PRDM1: variants seen among roughly 807,000 people sequenced by gnomAD.
The protein encoded by PRDM1 is PR domain zinc finger protein 1.
A neutral mutation model predicts 62.8 loss-of-function variants in PRDM1; 13 were observed. That is an observed-to-expected ratio of 0.21 (90% CI 0.13 to 0.33). The LOEUF (loss-of-function observed/expected upper bound fraction) is 0.33, where lower values mean the gene tolerates loss of function less well. Ranked by LOEUF, PRDM1 falls within the 10% of genes least tolerant of loss-of-function variation. The pLI is 1.00. For synonymous variants in PRDM1, 396 were observed against 417.6 expected (o/e 0.95, Z 0.63); for missense variants, 895 against 1,058.8 (o/e 0.85, Z 2.15).
At chr6:106,018,887 C>T (rs1250592252) in intron 1 of PRDM1, among the ~76,000 whole-genome samples, 1 of 151,148 alleles carries the variant, frequency 6.6e-6, no homozygotes, top group African/African-American at 2.4e-5. Flanking sequence ...TTACTATATC[C>T]ACCTCACACA....
chr6:106,031,677 C>T (rs766924588), intron 1 of PRDM1, among the ~76,000 whole-genome samples: 1 of 152,116 alleles, frequency 6.6e-6, no homozygotes, highest in Non-Finnish European at 1.5e-5. Context: ...GTCCAGTTGA[C>T]GGGGAAACCA....
chr6:106,000,618 TTGTA>T (rs1383121304), intron 1 of PRDM1, among the ~76,000 whole-genome samples: 8 of 152,176 alleles, frequency 5.3e-5, no homozygotes. Context: ...ACTTTTATAT[TTGTA>T]TGTATAGTAA....
At chr6:106,090,179 G>A (rs1773922529) in intron 2 of PRDM1, among the ~76,000 whole-genome samples, 1 of 152,126 alleles carries the variant, frequency 6.6e-6, no homozygotes, top group African/African-American at 2.4e-5. Context: ...TGCTACACTG[G>A]CCCCTCTTGG....
chr6:106,101,085 G>A (rs1380858492), intron 4 of PRDM1, among the ~76,000 whole-genome samples: 2 of 152,088 alleles, frequency 1.3e-5, no homozygotes, highest in Admixed American at 6.5e-5. Context: ...GCATTTTTGT[G>A]GAACTCGTAT....
At chr6:106,070,239 C>G (rs1322834832) in intron 1 of PRDM1, among the ~76,000 whole-genome samples, 2 of 152,126 alleles carry the variant, frequency 1.3e-5, no homozygotes, top group South Asian at 4.1e-4. Flanking sequence ...ATTTCAGATA[C>G]CCCCTTCTAA....
intron 1 of PRDM1, among the ~76,000 whole-genome samples, chr6:106,018,340 T>G (rs181913430): frequency 3.3e-5 from 5 of 152,352 alleles, no homozygotes; most frequent in East Asian, 3.9e-4. Flanking sequence ...GAGAAGCTAG[T>G]ATAGTTTTCA....
intron 1 of PRDM1, among the ~76,000 whole-genome samples, chr6:106,017,689 C>G (rs1480732925): frequency 2.0e-5 from 3 of 152,188 alleles, no homozygotes; most frequent in African/African-American, 7.2e-5. Flanking sequence ...TGAACAATCC[C>G]CATTTCAAGA....
upstream of PRDM1, among the ~76,000 whole-genome samples, chr6:106,044,057 A>T (rs1451325338): frequency 6.6e-6 from 1 of 152,160 alleles, no homozygotes; most frequent in Non-Finnish European, 1.5e-5. Flanking sequence ...TATATGTGTG[A>T]ATATGTACTT....
At chr6:106,006,629 C>T (rs1380767432) in intron 1 of PRDM1, among the ~76,000 whole-genome samples, 1 of 151,936 alleles carries the variant, frequency 6.6e-6, no homozygotes, top group African/African-American at 2.4e-5. Flanking sequence ...AAGACCTTTG[C>T]CAGATACCAT....
chr6:106,106,019 C>A lies in PRDM1; in HGVS notation c.1773+86C>A. The A allele has an allele frequency of 1.3e-6, 2 of 1,514,908 alleles. No individual in the cohort carries two copies. Among genetic ancestry groups the A allele is most frequent in the East Asian group, 2.3e-5 (1 of 43,356 alleles). The allele number at this position is 1,514,908 out of a possible 1,614,324, so 93.8% of individuals were successfully genotyped here. A position where few individuals can be genotyped will look rare whatever the true frequency, so the allele number is the denominator to read the frequency against. On this transcript the variant is annotated intron_variant, in intron 5 of 6. Transcript: ENST00000369096. The surrounding 1 kb of genome is among the most constrained non-coding windows in gnomAD (Gnocchi z 4.4). ...CTTGCTTTCCATGGGGTATCGATTG[C>A]ATTTGCAGTAGTATGAGCCCCCGGT...
chr6:106,011,105 A>T (rs1772540151), intron 1 of PRDM1, among the ~76,000 whole-genome samples: 1 of 152,134 alleles, frequency 6.6e-6, no homozygotes, highest in Non-Finnish European at 1.5e-5. Flanking sequence ...CTCTGATTGT[A>T]TCTTTTTATC....
At chr6:106,087,497 C>T (rs1460297177) in intron 1 of PRDM1, 2 of 232,602 alleles carry the variant, frequency 8.6e-6, no homozygotes, top group African/African-American at 4.4e-5. Flanking sequence ...CTGTTTTCCC[C>T]TTCACCCATT....
At chr6:106,000,509 C>T (rs1177029385) in intron 1 of PRDM1, among the ~76,000 whole-genome samples, 5 of 151,846 alleles carry the variant, frequency 3.3e-5, no homozygotes, top group Non-Finnish European at 1.5e-5. Context: ...ATGTTAAAGC[C>T]TCCTATATAC....
chr6:106,022,501 T>G (rs1256293377), intron 1 of PRDM1, among the ~76,000 whole-genome samples: 2 of 151,392 alleles, frequency 1.3e-5, no homozygotes, highest in African/African-American at 4.9e-5. Flanking sequence ...TGATCTCGGC[T>G]CACTGCAACC....
intron 1 of PRDM1, among the ~76,000 whole-genome samples, chr6:106,033,852 A>G (rs918279424): frequency 6.6e-6 from 1 of 152,078 alleles, no homozygotes; most frequent in African/African-American, 2.4e-5. Context: ...AGAATTCACC[A>G]GTGAAGCCAT....
rs1415560599 is a variant in PRDM1, at chr6:106,095,704, T to C, written c.381T>C (p.Pro127=). 1 of 1,614,124 alleles carries C rather than the reference T, an allele frequency of 6.2e-7. No individual in the cohort carries two copies. Among genetic ancestry groups the C allele is most frequent in the East Asian group, 2.2e-5 (1 of 44,888 alleles). The change falls in exon 3 of 7, where the codon CCT becomes CCC. Residue 127 remains proline (P), a synonymous_variant. Coordinates refer to ENST00000369096, the MANE Select transcript of PRDM1 (RefSeq NM_001198.4). ...AAATCTACACCAATGACACAGTTCC[T>C]AAGAACGCCAACAGGAAATATTTTT... ...IGEIYTNDTV[P]KNANRKYFWR... is the part of the protein sequence containing the mutation.
intron 1 of PRDM1, among the ~76,000 whole-genome samples, chr6:106,042,928 G>T (rs563467030): frequency 2.0e-5 from 3 of 152,148 alleles, no homozygotes; most frequent in East Asian, 1.9e-4. Context: ...TCGGCTCACC[G>T]CAATCTCCAC....
At chr6:106,016,530 GA>G (rs1772622466) in intron 1 of PRDM1, among the ~76,000 whole-genome samples, 1 of 152,030 alleles carries the variant, frequency 6.6e-6, no homozygotes, top group Non-Finnish European at 1.5e-5. Flanking sequence ...CTAAATGGTA[GA>G]TGGAAAATTA....
chr6:106,041,039 A>G (rs989081536), intron 1 of PRDM1, among the ~76,000 whole-genome samples: 2 of 152,212 alleles, frequency 1.3e-5, no homozygotes, highest in African/African-American at 4.8e-5. Context: ...AGGAGAGGTA[A>G]TAGTAACACA....
Sources: gnomAD v4.1 joint callset for allele counts (sites outside exome capture counted in the v4.1 genomes callset) on GRCh38, gnomAD v4.1.1 for gene constraint, Gnocchi (gnomAD v3.1) non-coding constraint, MANE v1.5 for transcripts, NCBI Gene and HGNC (gene_info 2026-07-23, HGNC 2026-07-21) for gene names.